GRIK4: variants seen among roughly 807,000 people sequenced by gnomAD.
The protein encoded by GRIK4 is glutamate ionotropic receptor kainate type subunit 4.
In GRIK4, 40 loss-of-function variants were observed where a neutral mutation model predicts 104.9. The ratio of observed to expected loss-of-function variants is 0.38; its 90% CI spans 0.30 to 0.50. The LOEUF (loss-of-function observed/expected upper bound fraction) is 0.50. GRIK4 is among the 20% of genes least tolerant of loss of function. The probability of loss-of-function intolerance (pLI) is 0.93; values close to 1 mark genes in which losing one functional copy is unlikely to be tolerated. For missense variants in GRIK4, 1,047 were observed against 1,308.1 expected (o/e 0.80, Z 3.08); for synonymous variants, 485 against 524.9 (o/e 0.92, Z 1.04).
intron 1 of GRIK4, among the ~76,000 whole-genome samples, chr11:120,624,947 A>T (rs1949238740): frequency 6.6e-6 from 1 of 152,212 alleles, no homozygotes; most frequent in Admixed American, 6.5e-5. Context: ...TATGAAAATT[A>T]TAGACTAGCA....
chr11:120,655,271 A>G (rs1172440995), intron 2 of GRIK4, among the ~76,000 whole-genome samples: 7 of 151,780 alleles, frequency 4.6e-5, no homozygotes, highest in African/African-American at 1.7e-4. Context: ...CACAGCTTGC[A>G]GTCCATCAGG....
intron 1 of GRIK4, among the ~76,000 whole-genome samples, chr11:120,613,380 G>C (rs780430687): frequency 9.9e-5 from 15 of 152,190 alleles, no homozygotes; most frequent in Non-Finnish European, 1.6e-4. Context: ...CCAAGGGAAG[G>C]GGGGCTGTCT....
intron 1 of GRIK4, among the ~76,000 whole-genome samples, chr11:120,557,682 C>T (rs186986284): frequency 1.3e-5 from 2 of 152,234 alleles, no homozygotes; most frequent in Non-Finnish European, 2.9e-5. Flanking sequence ...AGATTTGCCA[C>T]GAGAGAGGCT....
chr11:120,734,890 C>T (rs967589940), intron 3 of GRIK4, among the ~76,000 whole-genome samples: 5 of 152,156 alleles, frequency 3.3e-5, no homozygotes, highest in African/African-American at 1.2e-4. Flanking sequence ...TCAGGGACCC[C>T]AAGAAGTATA....
At chr11:120,984,941 CA>C (rs1187281857) in intron 20 of GRIK4, among the ~76,000 whole-genome samples, 1 of 151,440 alleles carries the variant, frequency 6.6e-6, no homozygotes, top group Non-Finnish European at 1.5e-5. Context: ...TGATTTTCCC[CA>C]CTCAGCCTCC....
At chr11:120,725,177 A>G (rs1951006922) in intron 3 of GRIK4, among the ~76,000 whole-genome samples, 1 of 152,236 alleles carries the variant, frequency 6.6e-6, no homozygotes, top group Non-Finnish European at 1.5e-5. Flanking sequence ...TTTGATTTGA[A>G]TAAGAGTTGA....
chr11:120,543,532 G>A (rs903449082), intron 1 of GRIK4, among the ~76,000 whole-genome samples: 6 of 152,162 alleles, frequency 3.9e-5, no homozygotes, highest in African/African-American at 1.4e-4. Flanking sequence ...CTGAGATCAC[G>A]CCACTGCACT....
chr11:120,660,451 C>A, intron 3 of GRIK4, 51 bp downstream of exon 3: 1 of 1,359,374 alleles, frequency 7.4e-7, no homozygotes, highest in Non-Finnish European at 1.0e-6. Context: ...TCCCAGGTGT[C>A]CACAAGGGAC....
At chr11:120,742,936 A>G (rs1591856100) in intron 3 of GRIK4, among the ~76,000 whole-genome samples, 1 of 152,226 alleles carries the variant, frequency 6.6e-6, no homozygotes, top group Non-Finnish European at 1.5e-5. Context: ...GTGCAGCCAT[A>G]AAAAGAATGA....
chr11:120,983,224 C>A (rs1944681749), intron 20 of GRIK4, among the ~76,000 whole-genome samples: 1 of 152,102 alleles, frequency 6.6e-6, no homozygotes, highest in Admixed American at 6.5e-5. Context: ...TTTCTCCAGT[C>A]CACCATTGTG....
At chr11:120,771,313 A>C (rs1342700843) in intron 3 of GRIK4, among the ~76,000 whole-genome samples, 1 of 152,174 alleles carries the variant, frequency 6.6e-6, no homozygotes, top group Non-Finnish European at 1.5e-5. Flanking sequence ...ACAATGGAGG[A>C]GTGGAGGAGA....
intron 1 of GRIK4, among the ~76,000 whole-genome samples, chr11:120,620,527 G>A (rs528843542): frequency 6.6e-6 from 1 of 152,014 alleles, no homozygotes; most frequent in Non-Finnish European, 1.5e-5. Context: ...TACAGATGGG[G>A]TCTCCCTATG....
intron 1 of GRIK4, among the ~76,000 whole-genome samples, chr11:120,652,302 C>T (rs1156992701): frequency 4.6e-5 from 7 of 152,200 alleles, no homozygotes; most frequent in African/African-American, 1.7e-4. Flanking sequence ...GAATGAGAGA[C>T]TGCAGCTCAG....
At chr11:120,804,542 A>T (rs150341561) in intron 4 of GRIK4, among the ~76,000 whole-genome samples, 122 of 152,208 alleles carry the variant, frequency 8.0e-4, no homozygotes, top group Non-Finnish European at 1.6e-3. Flanking sequence ...TTCATCATGT[A>T]CTTGTCCATA....
At chr11:120,954,260 C>T (rs1944080922) in intron 15 of GRIK4, among the ~76,000 whole-genome samples, 1 of 152,108 alleles carries the variant, frequency 6.6e-6, no homozygotes, top group Admixed American at 6.5e-5. Context: ...CCACAAGATG[C>T]AGCCAAAAAA....
intron 1 of GRIK4, among the ~76,000 whole-genome samples, chr11:120,593,407 C>T (rs549919317): frequency 6.6e-6 from 1 of 152,266 alleles, no homozygotes; most frequent in East Asian, 1.9e-4. Context: ...TGTGGACACT[C>T]TGCTGTCCTC....
chr11:120,876,831 G>T (rs897074846), intron 11 of GRIK4, among the ~76,000 whole-genome samples: 2 of 152,224 alleles, frequency 1.3e-5, no homozygotes, highest in African/African-American at 4.8e-5. Flanking sequence ...GAGTCTAGTT[G>T]GGTAGGCCTA....
At chr11:120,740,808 C>A (rs998825907) in intron 3 of GRIK4, among the ~76,000 whole-genome samples, 3 of 152,180 alleles carry the variant, frequency 2.0e-5, no homozygotes, top group Non-Finnish European at 4.4e-5. Flanking sequence ...CCTCTCCCAC[C>A]CTTCTCCTGG....
intron 11 of GRIK4, among the ~76,000 whole-genome samples, chr11:120,876,903 C>T (rs866031046): frequency 1.1e-4 from 17 of 152,236 alleles, no homozygotes; most frequent in Admixed American, 8.5e-4. Flanking sequence ...TGAAGCCCTA[C>T]GGCCGTGGAG....
Sources: gnomAD v4.1 joint callset for allele counts (sites outside exome capture counted in the v4.1 genomes callset) on GRCh38, gnomAD v4.1.1 for gene constraint, MANE v1.5 for transcripts, NCBI Gene and HGNC (gene_info 2026-07-23, HGNC 2026-07-21) for gene names.